The following PTPN2 variants were observed in gnomAD, a reference collection of about 807,000 sequenced individuals.
The protein encoded by PTPN2 is tyrosine-protein phosphatase non-receptor type 2.
Under a neutral mutation model 57.3 loss-of-function variants are expected in PTPN2, and 19 were observed. That is an observed-to-expected ratio of 0.33 (90% CI 0.23 to 0.49). PTPN2 has a LOEUF of 0.49. Among genes scored for constraint, PTPN2 ranks in the 20% least tolerant of loss-of-function variants. PTPN2 has a pLI of 0.99. For synonymous variants in PTPN2, 153 were observed against 164.9 expected (o/e 0.93, Z 0.55); for missense variants, 358 against 501.1 (o/e 0.71, Z 2.73).
chr18:12,853,037 C>T (rs2043450750), intron 2 of PTPN2, among the ~76,000 whole-genome samples: 1 of 152,166 alleles, frequency 6.6e-6, no homozygotes, highest in African/African-American at 2.4e-5. Context: ...GTGTTAATCT[C>T]CTCAAGTATA....
At chr18:12,871,115 C>G (rs936360879) in intron 1 of PTPN2, among the ~76,000 whole-genome samples, 5 of 152,172 alleles carry the variant, frequency 3.3e-5, no homozygotes, top group African/African-American at 1.2e-4. Flanking sequence ...TTTGATTTTT[C>G]ACTTAGTATA....
intron 7 of PTPN2, among the ~76,000 whole-genome samples, chr18:12,809,155 G>A (rs1304824727): frequency 1.3e-5 from 2 of 152,198 alleles, no homozygotes; most frequent in Non-Finnish European, 2.9e-5. Context: ...GCCTTCAGGA[G>A]TAGATGGCAA....
intron 2 of PTPN2, among the ~76,000 whole-genome samples, chr18:12,857,469 G>A (rs1298372144): frequency 6.6e-6 from 1 of 152,174 alleles, no homozygotes; most frequent in East Asian, 1.9e-4. Flanking sequence ...GGGTATACTC[G>A]ATCTTTCTGT....
downstream of PTPN2, among the ~76,000 whole-genome samples, chr18:12,791,078 C>T (rs2040972902): frequency 6.6e-6 from 1 of 152,140 alleles, no homozygotes. Context: ...TATATGGATA[C>T]ATTAAACATG....
chr18:12,836,902 A>T lies in PTPN2; in HGVS notation c.161-11T>A. 6.6e-7 allele frequency: 1 copy of T among 1,522,534 alleles called. No individual in the cohort carries two copies. The highest frequency in any genetic ancestry group is 9.1e-7 in the Non-Finnish European group (1 of 1,100,206). 94.3% of individuals were successfully genotyped at this position (1,522,534 alleles called of 1,614,324 possible). On this transcript the variant is annotated splice_polypyrimidine_tract_variant and intron_variant, in intron 2 of 8. Coordinates refer to ENST00000309660, the MANE Select transcript of PTPN2 (RefSeq NM_002828.4). ...CACGACTGTGATCATCTGAAAATAG[A>T]GAATGATAAACCACAACTGTCATTT...
chr18:12,801,881 A>G, intron 8 of PTPN2, 89 bp downstream of exon 8: 2 of 1,214,844 alleles, frequency 1.6e-6, no homozygotes, highest in Non-Finnish European at 2.3e-6. Flanking sequence ...AAAATTACAT[A>G]CCTGAAATCC....
At chr18:12,801,715 G>A (rs904401436) in intron 8 of PTPN2, 2 of 360,468 alleles carry the variant, frequency 5.5e-6, no homozygotes, top group Non-Finnish European at 1.0e-5. Context: ...CCACAGGCTC[G>A]CATCACCACA....
At chr18:12,825,756 T>A (rs2042427706) in intron 5 of PTPN2, 54 bp downstream of exon 5, 1 of 1,507,086 alleles carries the variant, frequency 6.6e-7, no homozygotes. Context: ...TAATAAAGAA[T>A]AATTCTTTAA....
At chr18:12,796,425 T>A (rs1480743424) in intron 8 of PTPN2, among the ~76,000 whole-genome samples, 1 of 152,196 alleles carries the variant, frequency 6.6e-6, no homozygotes. Flanking sequence ...ATATGGTGAA[T>A]CTTTCAGACA....
chr18:12,878,101 C>T (rs1409527042), intron 1 of PTPN2, among the ~76,000 whole-genome samples: 1 of 152,008 alleles, frequency 6.6e-6, no homozygotes, highest in Non-Finnish European at 1.5e-5. Flanking sequence ...CTTTGGAAGG[C>T]TGAGGTGGAC....
chr18:12,875,317 TAAAAA>T (rs10654132), intron 1 of PTPN2, among the ~76,000 whole-genome samples: 1 of 145,056 alleles, frequency 6.9e-6, no homozygotes, highest in Non-Finnish European at 1.5e-5. Context: ...AAATAAAAAT[TAAAAA>T]AAAAAAAAGC....
chr18:12,875,138 C>G (rs1301766348), intron 1 of PTPN2, among the ~76,000 whole-genome samples: 1 of 152,050 alleles, frequency 6.6e-6, no homozygotes, highest in Admixed American at 6.5e-5. Flanking sequence ...TCACCACTCC[C>G]TAATCTCAAG....
intron 8 of PTPN2, among the ~76,000 whole-genome samples, chr18:12,796,386 T>C (rs978766460): frequency 1.1e-4 from 16 of 152,238 alleles, no homozygotes; most frequent in Admixed American, 4.6e-4. Flanking sequence ...ATATAAATTA[T>C]ATTTCCATAA....
At chr18:12,880,266 G>C (rs1248712820) in intron 1 of PTPN2, among the ~76,000 whole-genome samples, 2 of 152,158 alleles carry the variant, frequency 1.3e-5, no homozygotes, top group African/African-American at 4.8e-5. Context: ...ATACAACACA[G>C]TGGAAAAGAG....
At chr18:12,810,402 A>G (rs964885875) in intron 7 of PTPN2, among the ~76,000 whole-genome samples, 1 of 152,118 alleles carries the variant, frequency 6.6e-6, no homozygotes, top group Non-Finnish European at 1.5e-5. Flanking sequence ...CCGTTCCCAG[A>G]TATGGCTATT....
At chr18:12,851,116 T>C (rs1384802933) in intron 2 of PTPN2, among the ~76,000 whole-genome samples, 1 of 152,204 alleles carries the variant, frequency 6.6e-6, no homozygotes, top group Non-Finnish European at 1.5e-5. Flanking sequence ...ATGTCAGTCC[T>C]AGAAAAATGT....
At chr18:12,840,743 C>G in intron 2 of PTPN2, 7 of 1,598,472 alleles carry the variant, frequency 4.4e-6, no homozygotes, top group Non-Finnish European at 5.9e-6. Flanking sequence ...TTCCATGTCT[C>G]CCTGATCCAT....
At chr18:12,854,124 C>T (rs1400928193) in intron 2 of PTPN2, among the ~76,000 whole-genome samples, 5 of 151,826 alleles carry the variant, frequency 3.3e-5, no homozygotes, top group South Asian at 2.1e-4. Context: ...ATCAGGAGGT[C>T]GAGGCAGGTG....
intron 1 of PTPN2, among the ~76,000 whole-genome samples, chr18:12,867,087 G>T (rs149881960): frequency 2.5e-4 from 38 of 150,398 alleles, no homozygotes; most frequent in African/African-American, 9.3e-4. Context: ...GAGGCCAGGA[G>T]TTCAAGACCA....
Sources: gnomAD v4.1 joint callset for allele counts (sites outside exome capture counted in the v4.1 genomes callset) on GRCh38, gnomAD v4.1.1 for gene constraint, MANE v1.5 for transcripts, NCBI Gene and HGNC (gene_info 2026-07-23, HGNC 2026-07-21) for gene names.